The following ARRDC3 variants were observed in gnomAD, a reference collection of about 807,000 sequenced individuals.
ARRDC3 encodes arrestin domain-containing protein 3.
Under a neutral mutation model 47.2 loss-of-function variants are expected in ARRDC3, and 10 were observed. The observed-to-expected ratio is 0.21, with a 90% CI of 0.13 to 0.36. The LOEUF (loss-of-function observed/expected upper bound fraction) is 0.36. Among genes scored for constraint, ARRDC3 ranks in the 10% least tolerant of loss-of-function variants. ARRDC3 has a pLI of 1.00. For synonymous variants in ARRDC3, 156 were observed against 178.3 expected, an observed-to-expected ratio of 0.87 and a Z score of 1.00; for missense variants, 381 against 503.6, an observed-to-expected ratio of 0.76 and a Z score of 2.33.
Position 91,378,761 on chromosome 5 carries a change from C to A in ARRDC3, c.295G>T (p.Glu99Ter). 6.3e-7 allele frequency: 1 copy of A among 1,589,256 alleles called. No individual in the cohort carries two copies. Among genetic ancestry groups the A allele is most frequent in the Non-Finnish European group, 8.5e-7 (1 of 1,169,898 alleles). The change falls in exon 2 of 8, where the codon GAA becomes TAA. Residue 99 changes from glutamate (E) to a stop codon, truncating the protein, a stop_gained. Coordinates refer to ENST00000265138, the MANE Select transcript of ARRDC3 (RefSeq NM_020801.4). LOFTEE classifies it high-confidence loss of function. ...GAATGAATAGTGTGGAAGCCTTCTT[C>A]GGAATTATCATCATCTAAAACAAAC... ...IGHERDDDNS[E>*]EGFHTIHSGR... is the part of the protein sequence containing the mutation.
chr5:91,375,690 C>T (rs1799285013), intron 3 of ARRDC3, 77 bp from the exon 4 acceptor site: 1 of 963,360 alleles, frequency 1.0e-6, no homozygotes. Context: ...TAAAATATAA[C>T]CCTAAATTTA....
chr5:91,372,415 A>T (rs909219335), intron 7 of ARRDC3, among the ~76,000 whole-genome samples: 1 of 152,194 alleles, frequency 6.6e-6, no homozygotes, highest in Admixed American at 6.6e-5. Context: ...AAATTGCTTA[A>T]AAGTGAACTA....
intron 2 of ARRDC3, among the ~76,000 whole-genome samples, chr5:91,377,505 C>G (rs779469657): frequency 6.6e-6 from 1 of 151,256 alleles, no homozygotes; most frequent in Non-Finnish European, 1.5e-5. Context: ...TAGTAAAATA[C>G]TCAATGTTCA....
At chr5:91,380,026 G>T (rs1317499798) in intron 1 of ARRDC3, 1 of 152,158 alleles carries the variant, frequency 6.6e-6, no homozygotes, top group Non-Finnish European at 1.5e-5. Flanking sequence ...GAAGGCGCCC[G>T]AAGTTCGCCT....
Position 91,376,896 on chromosome 5 carries a change from A to T in ARRDC3, c.363-128T>A, listed in dbSNP as rs1008349684. ...CAATGAGGTATCAAACATATAATTT[A>T]AAAAATTTCCAAAGGGATAAGTCAC... On this transcript the variant is annotated intron_variant, in intron 2 of 7. Coordinates refer to ENST00000265138, the MANE Select transcript of ARRDC3 (RefSeq NM_020801.4). 3 of 895,094 alleles carry T rather than the reference A, an allele frequency of 3.4e-6. No homozygotes were observed. The African/African-American group carries it at 5.2e-5, about 16-fold the overall frequency. The allele number at this position is 895,094 out of a possible 1,614,324, so 55.4% of individuals were successfully genotyped here.
chr5:91,379,415 C>A (rs1799386337), intron 1 of ARRDC3, among the ~76,000 whole-genome samples: 1 of 151,654 alleles, frequency 6.6e-6, no homozygotes, highest in Admixed American at 6.6e-5. Flanking sequence ...CTCAGTTGGT[C>A]CTAGCAACGA....
At chr5:91,371,806 C>T (rs959346517) in intron 7 of ARRDC3, among the ~76,000 whole-genome samples, 5 of 152,170 alleles carry the variant, frequency 3.3e-5, no homozygotes, top group African/African-American at 4.8e-5. Context: ...AAATACACAA[C>T]GTAGAATATC....
rs1177591279 is a variant in ARRDC3, at chr5:91,370,259, C to T, written c.*1141G>A. Reference sequence around the variant, plus strand: ...ATAAATGCACTTTTCCCTCCTTTCCCCAGTGAATGGAAAACTTCCATACTT... The same window carrying T: ...ATAAATGCACTTTTCCCTCCTTTCCTCAGTGAATGGAAAACTTCCATACTT... On this transcript the variant is annotated 3_prime_UTR_variant, in exon 8 of 8. Coordinates refer to ENST00000265138, the MANE Select transcript of ARRDC3 (RefSeq NM_020801.4). 6.6e-6 allele frequency: 1 copy of T among 152,508 alleles called. No homozygotes were observed. Among genetic ancestry groups the T allele is most frequent in the Non-Finnish European group, 1.5e-5 (1 of 68,008 alleles). The allele number at this position is 152,508 out of a possible 1,614,324, so 9.4% of individuals were successfully genotyped here.
rs1464001328 is a variant in ARRDC3 at position 91,368,737 on chromosome 5, A to T, written c.*2663T>A. The T allele has an allele frequency of 6.6e-6, 1 of 152,546 alleles. No homozygotes were observed. Among genetic ancestry groups the T allele is most frequent in the Non-Finnish European group, 1.5e-5 (1 of 68,032 alleles). 9.4% of individuals were successfully genotyped at this position (152,546 alleles called of 1,614,324 possible). ...ATCTCCAAACAATTATACAAAACAG[A>T]AAAAAACAAAACACTTTATTTTCCA... On this transcript the variant is annotated 3_prime_UTR_variant, in exon 8 of 8. Coordinates refer to ENST00000265138, the MANE Select transcript of ARRDC3 (RefSeq NM_020801.4).
chr5:91,374,104 A>T lies in ARRDC3; in HGVS notation c.1033+10T>A, dbSNP rs1011147044. On this transcript the variant is annotated intron_variant, in intron 6 of 7. Coordinates refer to ENST00000265138, the MANE Select transcript of ARRDC3 (RefSeq NM_020801.4). ...AAGAGATTAAGCTTAGACGTGTATT[A>T]TCAAATTACCTTCAGGTCTTTCAGG... 3.1e-6 allele frequency: 5 copies of T among 1,609,612 alleles called. No individual in the cohort carries two copies. The African/African-American group carries it at 5.4e-5, about 17-fold the overall frequency.
chr5:91,374,350 T>A, intron 5 of ARRDC3, 74 bp from the exon 6 acceptor site: 1 of 1,358,258 alleles, frequency 7.4e-7, no homozygotes, highest in East Asian at 2.4e-5. Flanking sequence ...TAACCAATTT[T>A]AATGTTATTT....
intron 5 of ARRDC3, among the ~76,000 whole-genome samples, chr5:91,374,477 A>G (rs1024206955): frequency 3.9e-5 from 6 of 152,226 alleles, no homozygotes; most frequent in Admixed American, 2.0e-4. Flanking sequence ...CTATATAAAG[A>G]GTTATGTATT....
Position 91,371,210 on chromosome 5 carries a change from G to T in ARRDC3, c.*190C>A. ...GAGAAAAGCTTAGATCTTCAAGCAT[G>T]TTGGAGCAGTCTCAGAATGTTGCTG... On this transcript the variant is annotated 3_prime_UTR_variant, in exon 8 of 8. Coordinates refer to ENST00000265138, the MANE Select transcript of ARRDC3 (RefSeq NM_020801.4). 1 of 571,634 alleles carries T rather than the reference G, an allele frequency of 1.7e-6. No homozygotes were observed. Among genetic ancestry groups the T allele is most frequent in the Non-Finnish European group, 3.1e-6 (1 of 322,200 alleles). The allele number at this position is 571,634 out of a possible 1,614,324, so 35.4% of individuals were successfully genotyped here. A position where few individuals can be genotyped will look rare whatever the true frequency, so the allele number is the denominator to read the frequency against.
chr5:91,383,228 A>G lies in ARRDC3; in HGVS notation c.-136T>C. On this transcript the variant is annotated 5_prime_UTR_variant, in exon 1 of 8. Coordinates refer to ENST00000265138, the MANE Select transcript of ARRDC3 (RefSeq NM_020801.4). ...GCAGGCCGGATCAGTGATTCTCTAC[A>G]AATAGTTCATTGAGATTTCTTAAAA... 1.2e-6 allele frequency: 1 copy of G among 800,732 alleles called. No homozygotes were observed. The highest frequency in any genetic ancestry group is 2.7e-5 in the East Asian group (1 of 36,486). 49.6% of individuals were successfully genotyped at this position (800,732 alleles called of 1,614,324 possible). A position where few individuals can be genotyped will look rare whatever the true frequency, so the allele number is the denominator to read the frequency against.
At chr5:91,382,446 A>G (rs1158792561) in intron 1 of ARRDC3, among the ~76,000 whole-genome samples, 1 of 152,266 alleles carries the variant, frequency 6.6e-6, no homozygotes, top group Non-Finnish European at 1.5e-5. Flanking sequence ...GGTTGCAAGT[A>G]AAAGGGCAAA....
chr5:91,375,117 C>T lies in ARRDC3; in HGVS notation c.675G>A (p.Lys225=). The T allele has an allele frequency of 6.2e-7, 1 of 1,614,032 alleles. No individual in the cohort carries two copies. The highest frequency in any genetic ancestry group is 8.5e-7 in the Non-Finnish European group (1 of 1,180,024). ...ENCSSRMVVP[K]AAIYQTQAFY... is the part of the protein sequence containing the mutation. ...AGGCCTGTGTTTGGTAAATGGCTGC[C>T]TTTGGCACCACCATTCGGGAAGAGC... Residue 225 remains lysine (K), a synonymous_variant, in exon 5 of 8, where the codon AAG becomes AAA. Coordinates refer to ENST00000265138, the MANE Select transcript of ARRDC3 (RefSeq NM_020801.4).
chr5:91,382,024 C>T (rs1291585542), intron 1 of ARRDC3, among the ~76,000 whole-genome samples: 1 of 152,216 alleles, frequency 6.6e-6, no homozygotes, highest in African/African-American at 2.4e-5. Flanking sequence ...CTTTATCTCT[C>T]TCTTCTAACC....
chr5:91,374,291 G>T lies in ARRDC3; in HGVS notation c.871-15C>A, dbSNP rs191101238. ...TCCACATATACCTAAACATTGCAAA[G>T]AAATATTAAGTTTAGAATGCCAAGT... is the stretch of plus-strand genomic sequence containing the variant. On this transcript the variant is annotated splice_polypyrimidine_tract_variant and intron_variant, in intron 5 of 7. Transcript: ENST00000265138. 3.8e-6 allele frequency: 6 copies of T among 1,595,262 alleles called. No homozygotes were observed. The East Asian group carries it at 1.3e-4, about 36-fold the overall frequency.
rs773386741 is a variant in ARRDC3, at chr5:91,376,722, A to C, written c.409T>G (p.Trp137Gly). 7.4e-6 allele frequency: 12 copies of C among 1,613,984 alleles called. No homozygotes were observed. In the South Asian group the frequency reaches 1.2e-4, roughly 16 times the overall value. ...FEGRHGSVRY[W>G]VKAELHRPWL... Reference sequence around the variant, plus strand: ...GGCCTGTGCAATTCGGCTTTCACCCAATAGCGCACACTGCCATGTCGGCCT... The same window carrying C: ...GGCCTGTGCAATTCGGCTTTCACCCCATAGCGCACACTGCCATGTCGGCCT... Residue 137 changes from tryptophan (W) to glycine (G), a missense_variant, in exon 3 of 8, where the codon TGG becomes GGG. Transcript: ENST00000265138.
Sources: allele counts gnomAD v4.1 joint callset (sites outside exome capture counted in the v4.1 genomes callset), GRCh38; gene constraint gnomAD v4.1.1; transcripts MANE v1.5; gene names NCBI Gene and HGNC (gene_info 2026-07-23, HGNC 2026-07-21).